EGLN3: variants seen among roughly 807,000 people sequenced by gnomAD.
The protein encoded by EGLN3 is egl-9 family hypoxia inducible factor 3, also known as prolyl hydroxylase EGLN3.
Under a neutral mutation model 26.0 loss-of-function variants are expected in EGLN3, and 15 were observed. The observed-to-expected ratio is 0.58, with a 90% CI of 0.39 to 0.89. The LOEUF (loss-of-function observed/expected upper bound fraction) is 0.89. EGLN3 is among the 40% of genes least tolerant of loss of function. The pLI is 0.00. For synonymous variants in EGLN3, 147 were observed against 127.2 expected, an observed-to-expected ratio of 1.16 and a Z score of -1.05; for missense variants, 238 against 311.6, an observed-to-expected ratio of 0.76 and a Z score of 1.78.
At chr14:33,931,046 T>G in intron 2 of EGLN3, 50 bp downstream of exon 2, 1 of 1,606,146 alleles carries the variant, frequency 6.2e-7, no homozygotes, top group Admixed American at 1.7e-5. Flanking sequence ...ATCTGAATCA[T>G]TTTCCTGTAG....
Position 33,950,285 on chromosome 14 carries a change from T to C in EGLN3, c.357+111A>G, listed in dbSNP as rs1346952397. ...GTAGAGACAAACCAGGCTGACTTCT[T>C]GGTTAAAAAACAAAGTTCGCTTACG... On this transcript the variant is annotated intron_variant, in intron 1 of 4. Transcript: ENST00000250457. The C allele has an allele frequency of 3.8e-6, 4 of 1,049,836 alleles. No individual in the cohort carries two copies. In the East Asian group the frequency reaches 9.5e-5, roughly 25 times the overall value. The allele number at this position is 1,049,836 out of a possible 1,614,324, so 65.0% of individuals were successfully genotyped here.
intron 3 of EGLN3, among the ~76,000 whole-genome samples, chr14:33,927,902 C>T (rs2064373481): frequency 6.6e-6 from 1 of 152,102 alleles, no homozygotes; most frequent in African/African-American, 2.4e-5. Flanking sequence ...CACTAATTTG[C>T]TTTATCCCAT....
intron 1 of EGLN3, among the ~76,000 whole-genome samples, chr14:33,942,733 T>G (rs1193549764): frequency 1.3e-5 from 2 of 152,254 alleles, no homozygotes; most frequent in South Asian, 4.1e-4. Context: ...TTCTTTGTAT[T>G]CTGGAATTAT....
At chr14:33,936,710 C>CA (rs1172613925) in intron 1 of EGLN3, among the ~76,000 whole-genome samples, 28 of 147,022 alleles carry the variant, frequency 1.9e-4, no homozygotes, top group Non-Finnish European at 3.4e-4. Flanking sequence ...AAAGAAAAAC[C>CA]AAAAAAACGT....
chr14:33,934,547 T>C (rs1486249352), intron 1 of EGLN3, among the ~76,000 whole-genome samples: 1 of 151,170 alleles, frequency 6.6e-6, no homozygotes, highest in East Asian at 1.9e-4. Flanking sequence ...TTCCAATGCC[T>C]AAACAGAATG....
chr14:33,947,300 G>A (rs566271049), intron 1 of EGLN3, among the ~76,000 whole-genome samples: 3 of 151,980 alleles, frequency 2.0e-5, no homozygotes, highest in Non-Finnish European at 2.9e-5. Flanking sequence ...AGTTAGGGGG[G>A]GCCATACAGC....
intron 1 of EGLN3, among the ~76,000 whole-genome samples, chr14:33,933,312 T>C (rs1265122044): frequency 5.4e-5 from 2 of 37,212 alleles, no homozygotes; most frequent in East Asian, 8.8e-4. Context: ...GATTAAAATA[T>C]TGAAAAAAAA....
At chr14:33,946,536 C>T (rs946014101) in intron 1 of EGLN3, among the ~76,000 whole-genome samples, 2 of 152,072 alleles carry the variant, frequency 1.3e-5, no homozygotes, top group East Asian at 1.9e-4. Context: ...TCAAAGTATA[C>T]GAAAGTATAA....
chr14:33,950,881 G>A lies in EGLN3; in HGVS notation c.-129C>T, dbSNP rs1171220655. On this transcript the variant is annotated 5_prime_UTR_variant, in exon 1 of 5. Transcript: ENST00000250457. ...GAAACCTGCGGCTGCCACGGTACCC[G>A]AGCCGCTGCAGCGTCGGGGACAAGG... The A allele has an allele frequency of 5.1e-6, 4 of 790,746 alleles. No individual in the cohort carries two copies. The highest frequency in any genetic ancestry group is 3.8e-4 in the Middle Eastern group (1 of 2,646). 49.0% of individuals were successfully genotyped at this position (790,746 alleles called of 1,614,324 possible). A position where few individuals can be genotyped will look rare whatever the true frequency, so the allele number is the denominator to read the frequency against.
chr14:33,938,002 A>T (rs557618477), intron 1 of EGLN3, among the ~76,000 whole-genome samples: 26 of 152,320 alleles, frequency 1.7e-4, no homozygotes, highest in African/African-American at 6.0e-4. Context: ...TAGCTTCAGG[A>T]TCATTAACTA....
At chr14:33,933,436 C>T (rs1377868184) in intron 1 of EGLN3, among the ~76,000 whole-genome samples, 2 of 152,080 alleles carry the variant, frequency 1.3e-5, no homozygotes, top group Admixed American at 1.3e-4. Flanking sequence ...AAAACCCCTA[C>T]ATGTCAGCAA....
At chr14:33,930,530 AC>A (rs1193069256) in intron 2 of EGLN3, among the ~76,000 whole-genome samples, 3 of 152,166 alleles carry the variant, frequency 2.0e-5, no homozygotes, top group African/African-American at 7.2e-5. Flanking sequence ...TAAGCATGGA[AC>A]CAGGCTTCAT....
intron 1 of EGLN3, among the ~76,000 whole-genome samples, chr14:33,938,898 A>G (rs2064461025): frequency 6.6e-6 from 1 of 152,238 alleles, no homozygotes; most frequent in Admixed American, 6.5e-5. Flanking sequence ...CCTAGAAGTT[A>G]TCACAGGTAT....
chr14:33,933,424 A>G (rs541616496), intron 1 of EGLN3, among the ~76,000 whole-genome samples: 23 of 152,286 alleles, frequency 1.5e-4, no homozygotes, highest in African/African-American at 5.3e-4. Context: ...TACTATTAGG[A>G]CAAAACCCCT....
At chr14:33,928,095 G>A (rs2064374997) in intron 3 of EGLN3, among the ~76,000 whole-genome samples, 1 of 151,988 alleles carries the variant, frequency 6.6e-6, no homozygotes, top group African/African-American at 2.4e-5. Flanking sequence ...TGAGATTGGG[G>A]AATAACCAAA....
At chr14:33,931,051 C>T in intron 2 of EGLN3, 45 bp downstream of exon 2, 1 of 1,608,568 alleles carries the variant, frequency 6.2e-7, no homozygotes. Context: ...AATCATTTTC[C>T]TGTAGTTTCT....
intron 1 of EGLN3, among the ~76,000 whole-genome samples, chr14:33,946,152 G>A (rs76549191): frequency 0.18 from 26,841 of 152,010 alleles, 2,819 homozygotes; most frequent in South Asian, 0.31. Flanking sequence ...CAAGGCAGGC[G>A]AATCACCTGA....
At chr14:33,937,298 T>C (rs2064449876) in intron 1 of EGLN3, among the ~76,000 whole-genome samples, 1 of 152,216 alleles carries the variant, frequency 6.6e-6, no homozygotes, top group Non-Finnish European at 1.5e-5. Flanking sequence ...ATGAAGAAAA[T>C]AGTTGTAAGC....
intron 1 of EGLN3, among the ~76,000 whole-genome samples, chr14:33,946,912 C>G (rs1444389001): frequency 6.6e-6 from 1 of 152,226 alleles, no homozygotes; most frequent in Non-Finnish European, 1.5e-5. Context: ...TAAACTGTTT[C>G]TTACCACTGA....
Sources: gnomAD v4.1 joint callset for allele counts (sites outside exome capture counted in the v4.1 genomes callset) on GRCh38, gnomAD v4.1.1 for gene constraint, MANE v1.5 for transcripts, NCBI Gene and HGNC (gene_info 2026-07-23, HGNC 2026-07-21) for gene names.